SGCZ: variants seen among roughly 807,000 people sequenced by gnomAD.
SGCZ encodes zeta-sarcoglycan.
Under a neutral mutation model 41.3 loss-of-function variants are expected in SGCZ, and 40 were observed. That is an observed-to-expected ratio of 0.97 (90% CI 0.75 to 1.26). The LOEUF is 1.26. SGCZ is among the 50% of genes most tolerant of loss of function. The pLI is 0.00. For synonymous variants in SGCZ, 206 were observed against 137.5 expected (o/e 1.50, Z -3.49); for missense variants, 552 against 369.8 (o/e 1.49, Z -4.04).
chr8:14,783,208 C>G (rs1009041636), intron 1 of SGCZ, among the ~76,000 whole-genome samples: 1 of 151,976 alleles, frequency 6.6e-6, no homozygotes, highest in Non-Finnish European at 1.5e-5. Context: ...CCGAGGTGGG[C>G]GGATCACTTG....
At chr8:14,331,045 A>G (rs115178590) in intron 2 of SGCZ, among the ~76,000 whole-genome samples, 265 of 151,944 alleles carry the variant, frequency 1.7e-3, no homozygotes, top group African/African-American at 6.0e-3. Flanking sequence ...ATGTGTTTTT[A>G]TTATTTTGAA....
At chr8:14,532,866 C>A (rs147790503) in intron 2 of SGCZ, among the ~76,000 whole-genome samples, 79 of 151,970 alleles carry the variant, frequency 5.2e-4, no homozygotes, top group African/African-American at 1.9e-3. Flanking sequence ...TTCTTTTGCT[C>A]TGAGCTTACT....
At chr8:14,243,730 G>C (rs997469484) in intron 3 of SGCZ, among the ~76,000 whole-genome samples, 8 of 152,088 alleles carry the variant, frequency 5.3e-5, no homozygotes, top group African/African-American at 1.7e-4. Context: ...TCAGGAAAAA[G>C]TATAGACATT....
chr8:14,230,196 T>G (rs1806512244), intron 4 of SGCZ, among the ~76,000 whole-genome samples: 1 of 152,074 alleles, frequency 6.6e-6, no homozygotes, highest in Admixed American at 6.6e-5. Context: ...AAGTAGTTTT[T>G]CATTATTTAG....
intron 2 of SGCZ, among the ~76,000 whole-genome samples, chr8:14,522,690 T>A (rs1802826567): frequency 6.6e-6 from 1 of 151,816 alleles, no homozygotes; most frequent in Non-Finnish European, 1.5e-5. Flanking sequence ...TCATTTGTTT[T>A]TTCTTATTTT....
chr8:14,196,709 T>A lies in SGCZ; in HGVS notation c.425-32007A>T, dbSNP rs58638817. ...AATGGAATATATTCAGAAGTAAAAG[T>A]AATAGACTAATGGCATATGCTGCAA... On this transcript the variant is annotated intron_variant, in intron 4 of 7. Transcript: ENST00000382080. Among the ~76,000 whole-genome samples the A allele has an allele frequency of 7.5e-3, 1,148 of 152,130 alleles. 19 individuals carry two copies. The highest frequency in any genetic ancestry group is 0.027 in the African/African-American group (1,103 of 41,500).
At chr8:15,090,344 T>A (rs960747030) in intron 1 of SGCZ, among the ~76,000 whole-genome samples, 5 of 152,218 alleles carry the variant, frequency 3.3e-5, no homozygotes, top group African/African-American at 1.2e-4. Flanking sequence ...TAAATCATCC[T>A]GAATATGGTT....
At chr8:14,581,829 CTCTT>C (rs1804899609) in intron 1 of SGCZ, among the ~76,000 whole-genome samples, 1 of 152,044 alleles carries the variant, frequency 6.6e-6, no homozygotes, top group Admixed American at 6.6e-5. Flanking sequence ...CAAAATAAAA[CTCTT>C]TAATTAGTTG....
intron 1 of SGCZ, among the ~76,000 whole-genome samples, chr8:14,755,232 T>A (rs2130332671): frequency 6.6e-6 from 1 of 152,294 alleles, no homozygotes; most frequent in African/African-American, 2.4e-5. Context: ...TTTGATTTTT[T>A]TAAAAAAAAA....
chr8:15,206,528 C>T (rs1295302755), intron 1 of SGCZ, among the ~76,000 whole-genome samples: 1 of 150,542 alleles, frequency 6.6e-6, no homozygotes, highest in Non-Finnish European at 1.5e-5. Context: ...TGGCTCACTG[C>T]AACCTCTGCC....
chr8:14,457,310 G>C (rs1174083232), intron 2 of SGCZ, among the ~76,000 whole-genome samples: 1 of 152,220 alleles, frequency 6.6e-6, no homozygotes, highest in Non-Finnish European at 1.5e-5. Flanking sequence ...GGCCACCAGA[G>C]GGCTCCTTGG....
rs560303058 is a variant in SGCZ, at chr8:14,184,681, T to C, written c.425-19979A>G. Among the ~76,000 whole-genome samples, 5 of 152,330 alleles carry C rather than the reference T, an allele frequency of 3.3e-5. No homozygotes were observed. In the South Asian group the frequency reaches 1.0e-3, roughly 32 times the overall value. ...GTACATTATTTAAAAGTATCTAGCATAGTTTTGGACTAAAAACAGATATTT... is the reference window on the plus strand; with the variant it reads ...GTACATTATTTAAAAGTATCTAGCACAGTTTTGGACTAAAAACAGATATTT... On this transcript the variant is annotated intron_variant, in intron 4 of 7. Coordinates refer to ENST00000382080, the MANE Select transcript of SGCZ (RefSeq NM_139167.4).
intron 1 of SGCZ, among the ~76,000 whole-genome samples, chr8:14,762,259 T>C (rs1190750721): frequency 2.0e-5 from 3 of 152,176 alleles, no homozygotes; most frequent in Non-Finnish European, 4.4e-5. Flanking sequence ...TAAATCTCCA[T>C]GAACCTCAAA....
At chr8:14,265,394 T>C (rs1326840908) in intron 3 of SGCZ, among the ~76,000 whole-genome samples, 1 of 152,226 alleles carries the variant, frequency 6.6e-6, no homozygotes, top group African/African-American at 2.4e-5. Flanking sequence ...ATAGAAATTC[T>C]TGATCATTGA....
At chr8:14,459,115 A>C (rs142922053) in intron 2 of SGCZ, among the ~76,000 whole-genome samples, 1 of 152,258 alleles carries the variant, frequency 6.6e-6, no homozygotes, top group African/African-American at 2.4e-5. Flanking sequence ...TAGATGAATA[A>C]TTCTACATGG....
intron 2 of SGCZ, among the ~76,000 whole-genome samples, chr8:14,463,044 A>G (rs1243287881): frequency 1.3e-5 from 2 of 151,754 alleles, no homozygotes; most frequent in African/African-American, 4.8e-5. Context: ...ATATTCTGCT[A>G]CTTTGCTGAA....
At chr8:14,674,685 C>T (rs1032724100) in intron 1 of SGCZ, among the ~76,000 whole-genome samples, 1 of 151,972 alleles carries the variant, frequency 6.6e-6, no homozygotes, top group Non-Finnish European at 1.5e-5. Flanking sequence ...GTGGATTTCT[C>T]ATAAACGGTT....
chr8:14,096,540 A>T (rs777018185), intron 7 of SGCZ, among the ~76,000 whole-genome samples: 1 of 152,202 alleles, frequency 6.6e-6, no homozygotes, highest in Non-Finnish European at 1.5e-5. Context: ...ATCGATGTTC[A>T]TCAGGGATGT....
At chr8:15,045,963 C>T (rs996929569) in intron 1 of SGCZ, among the ~76,000 whole-genome samples, 2 of 151,970 alleles carry the variant, frequency 1.3e-5, no homozygotes, top group African/African-American at 4.8e-5. Context: ...TATTAATATA[C>T]CCTAACATGA....
Sources: gnomAD v4.1 joint callset for allele counts (sites outside exome capture counted in the v4.1 genomes callset) on GRCh38, gnomAD v4.1.1 for gene constraint, MANE v1.5 for transcripts, NCBI Gene and HGNC (gene_info 2026-07-23, HGNC 2026-07-21) for gene names.